The following MGRN1 variants were observed in gnomAD, a reference collection of about 807,000 sequenced individuals.
MGRN1 encodes E3 ubiquitin-protein ligase MGRN1.
Under a neutral mutation model 69.2 loss-of-function variants are expected in MGRN1, and 29 were observed. The observed-to-expected ratio is 0.42, with a 90% CI of 0.31 to 0.57. The LOEUF (loss-of-function observed/expected upper bound fraction) is 0.57. Ranked by LOEUF, MGRN1 falls within the 20% of genes least tolerant of loss-of-function variation. MGRN1 has a pLI of 0.15. For missense variants in MGRN1, 998 were observed against 796.2 expected, an observed-to-expected ratio of 1.25 and a Z score of -3.05; for synonymous variants, 470 against 344.2, an observed-to-expected ratio of 1.37 and a Z score of -4.04.
rs59732243 is a variant in MGRN1, at chr16:4,632,455, G to A, written c.88+7407G>A. ...GTCGCCCAGGCTGGAGTGCAGTGGCGCAATCTCTGCTCACTGCAAGCTCTG... is the reference window on the plus strand; with the variant it reads ...GTCGCCCAGGCTGGAGTGCAGTGGCACAATCTCTGCTCACTGCAAGCTCTG... On this transcript the variant is annotated intron_variant, in intron 1 of 16. Transcript: ENST00000262370. Among the ~76,000 whole-genome samples the A allele has an allele frequency of 4.0e-3, 611 of 151,664 alleles. 6 individuals carry two copies. Among genetic ancestry groups the A allele is most frequent in the African/African-American group, 0.014 (590 of 41,332 alleles).
In MGRN1 at chr16:4,679,620, G is replaced by A. The variant is rs941206783; in HGVS notation, c.1066-412G>A. ...GGTTCATGGTTGGTGATAAGTGAGC[G>A]GCGGTGCCTGGGCACCGGCTGGCTG... is the stretch of plus-strand genomic sequence containing the variant. On this transcript the variant is annotated intron_variant, in intron 11 of 16. Coordinates refer to ENST00000262370, the MANE Select transcript of MGRN1 (RefSeq NM_015246.4). Among the ~76,000 whole-genome samples the A allele has an allele frequency of 6.5e-4, 99 of 152,300 alleles. 1 individual carries two copies. Among genetic ancestry groups the A allele is most frequent in the African/African-American group, 2.3e-3 (95 of 41,562 alleles).
At chr16:4,637,289 G>A (rs1285416656) in intron 1 of MGRN1, among the ~76,000 whole-genome samples, 1 of 151,760 alleles carries the variant, frequency 6.6e-6, no homozygotes. Context: ...AATTAGCTGG[G>A]CATGGTGTTG....
intron 16 of MGRN1, chr16:4,687,074 G>A: frequency 1.0e-6 from 1 of 985,544 alleles, no homozygotes; most frequent in African/African-American, 1.7e-5. Flanking sequence ...CATGGGCCTG[G>A]CACACAGTCC....
At chr16:4,662,515 C>G (rs1374902796) in intron 5 of MGRN1, among the ~76,000 whole-genome samples, 4 of 132,546 alleles carry the variant, frequency 3.0e-5, no homozygotes, top group Non-Finnish European at 4.9e-5. Context: ...GACTCTGTCT[C>G]AAAAAAAAAA....
rs749894917 is a variant in MGRN1 at position 4,652,760 on chromosome 16, G to A, written c.379G>A (p.Asp127Asn). The change falls in exon 4 of 17, where the codon GAT (aspartate) becomes AAT (asparagine). Residue 127 changes from aspartate (D) to asparagine (N), a missense_variant. Coordinates refer to ENST00000262370, the MANE Select transcript of MGRN1 (RefSeq NM_015246.4). ...CAGCCTGGAGTTCACCTTCGACGCCGATGCCCGCGTGGCCATCACCATCTA... is the reference window on the plus strand; with the variant it reads ...CAGCCTGGAGTTCACCTTCGACGCCAATGCCCGCGTGGCCATCACCATCTA... ...LYSLEFTFDA[D>N]ARVAITIYCQ... 8.7e-6 allele frequency: 14 copies of A among 1,612,398 alleles called. No individual in the cohort carries two copies. Among genetic ancestry groups the A allele is most frequent in the Middle Eastern group, 1.7e-4 (1 of 6,052 alleles).
intron 1 of MGRN1, among the ~76,000 whole-genome samples, chr16:4,643,657 T>C (rs60967458): frequency 0.13 from 19,106 of 151,986 alleles, 2,887 homozygotes; most frequent in African/African-American, 0.37. Flanking sequence ...CACGCGTGAG[T>C]CACCGCGCCT....
At position 4,651,969 on chromosome 16, in the gene MGRN1, T is replaced by C. The variant is rs775237768; in HGVS notation, c.214T>C (p.Tyr72His). ...FLGSRPVQFP[Y>H]VTPAPHEPVK... Reference sequence around the variant, plus strand: ...CCTGTGGTTTTTCTCCTAGTTTCCCTACGTCACTCCTGCCCCCCACGAGCC... The same window carrying C: ...CCTGTGGTTTTTCTCCTAGTTTCCCCACGTCACTCCTGCCCCCCACGAGCC... Residue 72 changes from tyrosine to histidine, a missense_variant, in exon 3 of 17, where the codon TAC becomes CAC. By Grantham distance (83) the Tyr-to-His change is moderately conservative. Transcript: ENST00000262370. The C allele has an allele frequency of 6.2e-7, 1 of 1,613,958 alleles. No homozygotes were observed. Among genetic ancestry groups the C allele is most frequent in the Non-Finnish European group, 8.5e-7 (1 of 1,179,908 alleles).
At chr16:4,686,115 T>G in intron 16 of MGRN1, 1 of 997,074 alleles carries the variant, frequency 1.0e-6, no homozygotes, top group Non-Finnish European at 1.5e-6. Context: ...GTGGTTCTCC[T>G]TGTGGTTCTC....
chr16:4,653,430 T>C (rs2078451658), intron 4 of MGRN1, among the ~76,000 whole-genome samples: 2 of 152,214 alleles, frequency 1.3e-5, no homozygotes, highest in South Asian at 4.1e-4. Flanking sequence ...CTCCAGCCCC[T>C]GTCCCCTCCC....
rs374031645 is a variant in MGRN1 at position 4,683,945 on chromosome 16, G to A, written c.1618+13G>A. 9.1e-4 allele frequency: 1,420 copies of A among 1,559,994 alleles called. 12 individuals are homozygous for A. In the Middle Eastern group the frequency reaches 0.012, roughly 14 times the overall value. On this transcript the variant is annotated intron_variant, in intron 16 of 16. Coordinates refer to ENST00000262370, the MANE Select transcript of MGRN1 (RefSeq NM_015246.4). ...ATCTACCTGCCAGGTAAGGGGCTGGGGGTCTGGGGGTGAGGGGCTGGGTGC... is the reference window on the plus strand; with the variant it reads ...ATCTACCTGCCAGGTAAGGGGCTGGAGGTCTGGGGGTGAGGGGCTGGGTGC...
intron 1 of MGRN1, among the ~76,000 whole-genome samples, chr16:4,638,484 T>C (rs2078081976): frequency 6.6e-6 from 1 of 150,416 alleles, no homozygotes; most frequent in South Asian, 2.1e-4. Context: ...AATAAATAAA[T>C]ATCTCAGCCC....
At position 4,627,562 on chromosome 16, in the gene MGRN1, C is replaced by T. The variant is rs373418631; in HGVS notation, c.88+2514C>T. On this transcript the variant is annotated intron_variant, in intron 1 of 16. Coordinates refer to ENST00000262370, the MANE Select transcript of MGRN1 (RefSeq NM_015246.4). ...CATCACTTTGGGAGGCCAAGGCGGG[C>T]GGATCACAAGGTCAGGAGATGGAGA... Among the ~76,000 whole-genome samples, 114 of 149,660 alleles carry T rather than the reference C, an allele frequency of 7.6e-4. No individual in the cohort carries two copies. In the East Asian group the frequency reaches 8.4e-3, roughly 11 times the overall value.
intron 1 of MGRN1, among the ~76,000 whole-genome samples, chr16:4,628,081 A>G (rs1479186655): frequency 2.1e-5 from 3 of 139,952 alleles, no homozygotes; most frequent in African/African-American, 8.4e-5. Context: ...CTCCGTCTCA[A>G]AAAAAAAAAA....
At chr16:4,635,608 A>T (rs1898242839) in intron 1 of MGRN1, among the ~76,000 whole-genome samples, 1 of 150,940 alleles carries the variant, frequency 6.6e-6, no homozygotes, top group Non-Finnish European at 1.5e-5. Context: ...CTGGGATTAC[A>T]GGTGTGGGCC....
chr16:4,688,717 G>A (rs2079391604), intron 16 of MGRN1, 79 bp from the exon 17 acceptor site: 1 of 1,479,150 alleles, frequency 6.8e-7, no homozygotes, highest in Non-Finnish European at 9.1e-7. Context: ...AGCCCCTCTG[G>A]GGCTCCAGAT....
intron 16 of MGRN1, among the ~76,000 whole-genome samples, chr16:4,685,368 C>T (rs896365031): frequency 1.3e-5 from 2 of 152,210 alleles, no homozygotes; most frequent in African/African-American, 2.4e-5. Flanking sequence ...AGGAGGCCCA[C>T]ACAGAGGAGG....
rs1401248250 is a variant in MGRN1 at position 4,648,519 on chromosome 16, C to T, written c.89-1846C>T. Reference sequence around the variant, plus strand: ...TCCCGTGGTCACCCGGGGGCTCCTCCCGGGGCTCTTCCCGTGGTCACCCGG... The same window carrying T: ...TCCCGTGGTCACCCGGGGGCTCCTCTCGGGGCTCTTCCCGTGGTCACCCGG... On this transcript the variant is annotated intron_variant, in intron 1 of 16. Transcript: ENST00000262370. 8.2e-5 allele frequency among the ~76,000 whole-genome samples: 10 copies of T among 121,400 alleles called. 1 individual carries two copies. The highest frequency in any genetic ancestry group is 4.0e-4 in the African/African-American group (10 of 25,012). The allele number at this position is 121,400 out of a possible 152,430, so 79.6% of individuals were successfully genotyped here. A position where few individuals can be genotyped will look rare whatever the true frequency, so the allele number is the denominator to read the frequency against.
intron 8 of MGRN1, 76 bp downstream of exon 8, chr16:4,668,388 C>T (rs1252972843): frequency 2.8e-6 from 4 of 1,441,072 alleles, no homozygotes; most frequent in Admixed American, 3.5e-5. Flanking sequence ...CATACTCATA[C>T]ATAGACACAC....
intron 4 of MGRN1, 149 bp from the exon 5 acceptor site, chr16:4,657,097 T>TGGCCCTCACCCTTCCAGGGCCTTCCAC: frequency 1.4e-6 from 1 of 711,872 alleles, no homozygotes. Flanking sequence ...GAGGGCCACG[T>TGGCCCTCACCCTTCCAGGGCCTTCCAC]GGCCATGTAG....
Sources: gnomAD v4.1 joint callset for allele counts (sites outside exome capture counted in the v4.1 genomes callset) on GRCh38, gnomAD v4.1.1 for gene constraint, MANE v1.5 for transcripts, NCBI Gene and HGNC (gene_info 2026-07-23, HGNC 2026-07-21) for gene names.